Variants in CLEC17A observed in about 807,000 individuals in gnomAD.
CLEC17A encodes C-type lectin domain containing 17A.
CLEC17A carries 37 observed loss-of-function variants against 61.3 expected under a neutral mutation model. That is an observed-to-expected ratio of 0.60 (90% CI 0.46 to 0.79). CLEC17A has a LOEUF of 0.79. Among genes scored for constraint, CLEC17A ranks in the 30% least tolerant of loss-of-function variants. The probability of loss-of-function intolerance (pLI) is 0.00; values close to 1 mark genes in which losing one functional copy is unlikely to be tolerated. For synonymous variants in CLEC17A, 168 were observed against 164.9 expected (o/e 1.02, Z -0.14); for missense variants, 418 against 464.7 (o/e 0.90, Z 0.92).
intron 3 of CLEC17A, among the ~76,000 whole-genome samples, chr19:14,588,059 T>C (rs1482682758): frequency 6.6e-6 from 1 of 152,088 alleles, no homozygotes; most frequent in South Asian, 2.1e-4. Context: ...AAGCTGGTGC[T>C]TGAGAAACTG....
At chr19:14,608,823 G>A (rs1382991834) in intron 13 of CLEC17A, among the ~76,000 whole-genome samples, 6 of 143,164 alleles carry the variant, frequency 4.2e-5, no homozygotes, top group Non-Finnish European at 9.1e-5. Context: ...TTTTTGAGAC[G>A]GAGTCTCACT....
intron 11 of CLEC17A, 48 bp downstream of exon 11, chr19:14,599,860 C>G: frequency 6.5e-7 from 1 of 1,544,964 alleles, no homozygotes; most frequent in Non-Finnish European, 8.9e-7. Context: ...CATGGCAGAG[C>G]TGGCACATTA....
chr19:14,608,391 A>G (rs1379265404), intron 13 of CLEC17A, among the ~76,000 whole-genome samples: 1 of 151,934 alleles, frequency 6.6e-6, no homozygotes, highest in African/African-American at 2.4e-5. Context: ...AGTCATTCCC[A>G]TTTCCCTGTG....
At chr19:14,607,657 T>C (rs1484605346) in intron 13 of CLEC17A, among the ~76,000 whole-genome samples, 1 of 151,504 alleles carries the variant, frequency 6.6e-6, no homozygotes, top group East Asian at 1.9e-4. Context: ...CTCACTGTAA[T>C]CTCTGTCTCC....
At chr19:14,600,587 CTT>C (rs561577759) in intron 12 of CLEC17A, among the ~76,000 whole-genome samples, 5 of 145,296 alleles carry the variant, frequency 3.4e-5, no homozygotes, top group Admixed American at 6.9e-5. Context: ...CTTTTCTTTT[CTT>C]TTTTTTTTTT....
chr19:14,611,663 C>T lies in CLEC17A; in HGVS notation c.*1467C>T, dbSNP rs368347379. Among the ~76,000 whole-genome samples the T allele has an allele frequency of 2.4e-4, 37 of 152,278 alleles. No homozygotes were observed. Among genetic ancestry groups the T allele is most frequent in the Admixed American group, 1.4e-3 (22 of 15,274 alleles). On this transcript the variant is annotated 3_prime_UTR_variant, in exon 14 of 14. Coordinates refer to ENST00000417570, the MANE Select transcript of CLEC17A (RefSeq NM_001204118.2). ...ACAACGATGGACCTATCTGCCAGCA[C>T]GTGCCCTTGAGCTATCTGTGGGTTG...
intron 7 of CLEC17A, among the ~76,000 whole-genome samples, chr19:14,595,011 A>G (rs55698624): frequency 0.056 from 8,476 of 152,228 alleles, 266 homozygotes; most frequent in East Asian, 0.12. Flanking sequence ...AGCTGGGACT[A>G]CAGGCACGAA....
intron 4 of CLEC17A, among the ~76,000 whole-genome samples, chr19:14,593,742 C>T (rs529100400): frequency 2.0e-5 from 3 of 149,908 alleles, no homozygotes; most frequent in East Asian, 2.0e-4. Context: ...GGGTGGATCA[C>T]GAGGTCAGGA....
In CLEC17A at chr19:14,594,817, C is replaced by A; in HGVS notation, c.403+17C>A. On this transcript the variant is annotated intron_variant, in intron 7 of 13. Transcript: ENST00000417570. ...CTCAACTGGGTGAGCAGTGGGAAGA[C>A]CCTTTAAGATGCCTAAGAGGGGATA... is the stretch of plus-strand genomic sequence containing the variant. 6.2e-7 allele frequency: 1 copy of A among 1,611,404 alleles called. No individual in the cohort carries two copies. The highest frequency in any genetic ancestry group is 8.5e-7 in the Non-Finnish European group (1 of 1,177,998).
rs766766843 is a variant in CLEC17A at position 14,597,144 on chromosome 19, T to C, written c.629T>C (p.Met210Thr). Residue 210 changes from methionine to threonine, a missense_variant, in exon 10 of 14, where the codon ATG (methionine) becomes ACG (threonine). Physicochemically the swap from Met to Thr is moderately conservative, Grantham distance 81 (BLOSUM62 -1). Transcript: ENST00000417570. ...EELRMLSFQQ[M>T]TWRTNMTGMA... ...CTGAGAATGTTAAGCTTTCAGCAGA[T>C]GACGTGGCGAACAAATAGTGAGTGC... The C allele has an allele frequency of 3.7e-6, 6 of 1,611,786 alleles. No individual in the cohort carries two copies. In the African/African-American group the frequency reaches 6.7e-5, roughly 18 times the overall value.
At position 14,611,059 on chromosome 19, in the gene CLEC17A, A is replaced by T. The variant is rs1217832910; in HGVS notation, c.*863A>T. 6.7e-6 allele frequency: 1 copy of T among 149,422 alleles called. No individual in the cohort carries two copies. The highest frequency in any genetic ancestry group is 2.0e-4 in the East Asian group (1 of 5,070). 9.3% of individuals were successfully genotyped at this position (149,422 alleles called of 1,614,324 possible). On this transcript the variant is annotated 3_prime_UTR_variant, in exon 14 of 14. Coordinates refer to ENST00000417570, the MANE Select transcript of CLEC17A (RefSeq NM_001204118.2). ...GTGGTGACAGAAAAATTTCCCTTTG[A>T]GCTAGACCTCTAGATCTGCCTCGCA...
rs181368248 is a variant in CLEC17A at position 14,586,935 on chromosome 19, C to T, written c.122-679C>T. On this transcript the variant is annotated intron_variant, in intron 2 of 13. Transcript: ENST00000417570. ...ACAGAATCTCACTCTGTCACTCAGGCTGGAGTGCAGTGGCATGATCTCAGC... is the reference window on the plus strand; with the variant it reads ...ACAGAATCTCACTCTGTCACTCAGGTTGGAGTGCAGTGGCATGATCTCAGC... 1.7e-3 allele frequency among the ~76,000 whole-genome samples: 257 copies of T among 147,836 alleles called. 1 individual carries two copies. Among genetic ancestry groups the T allele is most frequent in the African/African-American group, 6.2e-3 (246 of 39,542 alleles).
Position 14,594,382 on chromosome 19 carries a change from T to C in CLEC17A, c.278-135T>C, listed in dbSNP as rs1401407834. On this transcript the variant is annotated intron_variant, in intron 4 of 13. Transcript: ENST00000417570. ...ATCCCATCTCCATCCCTAATCCCAA[T>C]TGCATTCTTACGTCCAACCCCGTCT... 7 of 1,142,930 alleles carry C rather than the reference T, an allele frequency of 6.1e-6. No homozygotes were observed. The East Asian group carries it at 7.7e-5, about 13-fold the overall frequency. 70.8% of individuals were successfully genotyped at this position (1,142,930 alleles called of 1,614,324 possible). A position where few individuals can be genotyped will look rare whatever the true frequency, so the allele number is the denominator to read the frequency against.
intron 10 of CLEC17A, 78 bp downstream of exon 10, chr19:14,597,239 A>G (rs540630381): frequency 3.1e-6 from 4 of 1,311,026 alleles, no homozygotes; most frequent in South Asian, 2.5e-5. Flanking sequence ...CCAAGATCCA[A>G]CCTCATCCCC....
intron 7 of CLEC17A, 99 bp downstream of exon 7, chr19:14,594,899 A>G: frequency 8.4e-7 from 1 of 1,184,876 alleles, no homozygotes; most frequent in Non-Finnish European, 1.2e-6. Flanking sequence ...TTTGAGACAG[A>G]GTCTCACTGT....
intron 3 of CLEC17A, chr19:14,588,578 C>T (rs1599534878): frequency 3.9e-5 from 6 of 152,018 alleles, no homozygotes; most frequent in Admixed American, 3.3e-4. Flanking sequence ...TCGACACCCC[C>T]GAGCTGATCA....
intron 13 of CLEC17A, among the ~76,000 whole-genome samples, chr19:14,607,901 C>T (rs10416413): frequency 0.4 from 60,675 of 151,510 alleles, 12,382 homozygotes; most frequent in East Asian, 0.69. Context: ...GAGACAGTCT[C>T]GCCCTGTCAC....
intron 3 of CLEC17A, 54 bp downstream of exon 3, chr19:14,587,745 A>G: frequency 6.2e-7 from 1 of 1,607,434 alleles, no homozygotes; most frequent in Non-Finnish European, 8.5e-7. Context: ...CGGGGTCTCC[A>G]GTGGGCATTG....
At chr19:14,608,442 C>A (rs7257937) in intron 13 of CLEC17A, among the ~76,000 whole-genome samples, 39,482 of 151,914 alleles carry the variant, frequency 0.26, 5,394 homozygotes, top group African/African-American at 0.32. Context: ...GGGTGTCTAG[C>A]ATCCCAGGCT....
Sources: gnomAD v4.1 joint callset for allele counts (sites outside exome capture counted in the v4.1 genomes callset) on GRCh38, gnomAD v4.1.1 for gene constraint, MANE v1.5 for transcripts, NCBI Gene and HGNC (gene_info 2026-07-23, HGNC 2026-07-21) for gene names.